SPOCK1: variants seen among roughly 807,000 people sequenced by gnomAD.
The protein encoded by SPOCK1 is testican-1.
In SPOCK1, 23 loss-of-function variants were observed where a neutral mutation model predicts 55.3. The ratio of observed to expected loss-of-function variants is 0.42; its 90% CI spans 0.30 to 0.59. The LOEUF (loss-of-function observed/expected upper bound fraction) is 0.59. SPOCK1 is among the 20% of genes least tolerant of loss of function. The pLI is 0.22. For missense variants in SPOCK1, 499 were observed against 552.5 expected, an observed-to-expected ratio of 0.90 and a Z score of 0.97; for synonymous variants, 226 against 221.0, an observed-to-expected ratio of 1.02 and a Z score of -0.20.
At chr5:137,252,559 G>T (rs1314354775) in intron 3 of SPOCK1, among the ~76,000 whole-genome samples, 3 of 152,172 alleles carry the variant, frequency 2.0e-5, no homozygotes, top group African/African-American at 4.8e-5. Context: ...GAACATCCCT[G>T]CAGACAGAAA....
chr5:137,145,559 G>A (rs919691539), intron 3 of SPOCK1, among the ~76,000 whole-genome samples: 2 of 152,154 alleles, frequency 1.3e-5, no homozygotes, highest in Admixed American at 6.5e-5. Flanking sequence ...CTCACCTGGG[G>A]GAAATCACAC....
At chr5:137,016,807 A>G (rs911421741) in intron 6 of SPOCK1, among the ~76,000 whole-genome samples, 13 of 152,242 alleles carry the variant, frequency 8.5e-5, no homozygotes, top group Non-Finnish European at 1.9e-4. Flanking sequence ...CAAAACAATC[A>G]AAAACAGCAG....
chr5:137,297,443 TA>T (rs1335251464), intron 2 of SPOCK1, among the ~76,000 whole-genome samples: 2 of 152,154 alleles, frequency 1.3e-5, no homozygotes, highest in East Asian at 1.9e-4. Context: ...GAAGCAAATA[TA>T]AAAAAAACTT....
At chr5:137,253,111 T>G (rs1320945691) in intron 3 of SPOCK1, among the ~76,000 whole-genome samples, 3 of 152,324 alleles carry the variant, frequency 2.0e-5, no homozygotes, top group Non-Finnish European at 2.9e-5. Flanking sequence ...ACACTGCATT[T>G]GGAAACGTAT....
At chr5:137,292,426 T>TAAAAAAAAAAA (rs753574851) in intron 2 of SPOCK1, among the ~76,000 whole-genome samples, 1 of 37,966 alleles carries the variant, frequency 2.6e-5, no homozygotes, top group East Asian at 8.7e-4. Context: ...CTGGTGTAGT[T>TAAAAAAAAAAA]AAAAAAAAAA....
intron 3 of SPOCK1, among the ~76,000 whole-genome samples, chr5:137,151,412 C>A (rs1754317059): frequency 6.6e-6 from 1 of 152,164 alleles, no homozygotes; most frequent in South Asian, 2.1e-4. Context: ...TGCCCCCGAA[C>A]CTCAAAATAG....
intron 2 of SPOCK1, among the ~76,000 whole-genome samples, chr5:137,383,090 G>A (rs1454323276): frequency 6.6e-6 from 1 of 152,128 alleles, no homozygotes; most frequent in African/African-American, 2.4e-5. Context: ...AAAGACTCCA[G>A]GTTCAAATCC....
At chr5:137,197,364 G>C (rs1755320999) in intron 3 of SPOCK1, among the ~76,000 whole-genome samples, 1 of 152,168 alleles carries the variant, frequency 6.6e-6, no homozygotes. Context: ...TGCTTTGAAA[G>C]GAAGCAGAAC....
At chr5:137,088,986 G>A (rs1365504320) in intron 5 of SPOCK1, among the ~76,000 whole-genome samples, 2 of 152,208 alleles carry the variant, frequency 1.3e-5, no homozygotes, top group Admixed American at 1.3e-4. Context: ...GGGTTCTCAA[G>A]CAAAGGAGAA....
At chr5:137,453,377 T>C (rs1753296358) in intron 2 of SPOCK1, among the ~76,000 whole-genome samples, 1 of 152,146 alleles carries the variant, frequency 6.6e-6, no homozygotes, top group African/African-American at 2.4e-5. Context: ...CTTGGGTAGC[T>C]ACAGGAAAGA....
At chr5:137,171,182 A>C (rs911899464) in intron 3 of SPOCK1, among the ~76,000 whole-genome samples, 5 of 152,234 alleles carry the variant, frequency 3.3e-5, no homozygotes, top group Non-Finnish European at 7.4e-5. Flanking sequence ...CTGTGTCCTG[A>C]CAATCTGCTC....
chr5:137,188,312 T>C (rs1025816393), intron 3 of SPOCK1, among the ~76,000 whole-genome samples: 1 of 152,222 alleles, frequency 6.6e-6, no homozygotes, highest in Non-Finnish European at 1.5e-5. Context: ...AGATCTTGCA[T>C]TTTTTACTCA....
chr5:137,446,246 T>G (rs919830517), intron 2 of SPOCK1, among the ~76,000 whole-genome samples: 1 of 152,176 alleles, frequency 6.6e-6, no homozygotes, highest in African/African-American at 2.4e-5. Context: ...CCCAAAGACT[T>G]TTTTCCTGCT....
intron 4 of SPOCK1, among the ~76,000 whole-genome samples, chr5:137,115,044 A>G (rs1210841684): frequency 6.6e-6 from 1 of 152,182 alleles, no homozygotes; most frequent in Non-Finnish European, 1.5e-5. Context: ...TTAATGACAA[A>G]TCATCTCTAT....
At chr5:136,999,544 G>T (rs1437147640) in intron 6 of SPOCK1, among the ~76,000 whole-genome samples, 2 of 152,104 alleles carry the variant, frequency 1.3e-5, no homozygotes, top group African/African-American at 4.8e-5. Context: ...GGCTATAACT[G>T]GTGTTCCACG....
intron 3 of SPOCK1, among the ~76,000 whole-genome samples, chr5:137,220,445 C>G (rs1349733538): frequency 1.3e-5 from 2 of 152,192 alleles, no homozygotes; most frequent in Non-Finnish European, 2.9e-5. Context: ...ACGCAAGGAA[C>G]TGTACTTTAC....
intron 3 of SPOCK1, among the ~76,000 whole-genome samples, chr5:137,249,839 T>A (rs1002871237): frequency 2.0e-5 from 3 of 152,326 alleles, no homozygotes; most frequent in East Asian, 3.9e-4. Flanking sequence ...TAAAGGCAAG[T>A]AGTATTTTTA....
intron 5 of SPOCK1, among the ~76,000 whole-genome samples, chr5:137,071,185 G>A (rs1275629868): frequency 2.0e-5 from 3 of 151,872 alleles, no homozygotes; most frequent in East Asian, 1.9e-4. Context: ...GTAGAGATAG[G>A]GTCTCACTAC....
intron 2 of SPOCK1, among the ~76,000 whole-genome samples, chr5:137,307,054 C>T (rs1033590665): frequency 6.6e-6 from 1 of 152,216 alleles, no homozygotes; most frequent in African/African-American, 2.4e-5. Flanking sequence ...TTGCTAGTTG[C>T]TAGTTGTTTA....
Sources: gnomAD v4.1 joint callset for allele counts (sites outside exome capture counted in the v4.1 genomes callset) on GRCh38, gnomAD v4.1.1 for gene constraint, MANE v1.5 for transcripts, NCBI Gene and HGNC (gene_info 2026-07-23, HGNC 2026-07-21) for gene names.